Variants in TRAPPC8 observed in about 807,000 individuals in gnomAD.
TRAPPC8 encodes trafficking protein particle complex subunit 8.
A neutral mutation model predicts 174.3 loss-of-function variants in TRAPPC8; 54 were observed. The ratio of observed to expected loss-of-function variants is 0.31; its 90% CI spans 0.25 to 0.39. TRAPPC8 has a LOEUF of 0.39. TRAPPC8 is among the 10% of genes least tolerant of loss of function. TRAPPC8 has a pLI of 1.00. For missense variants in TRAPPC8, 1,531 were observed against 1,699.1 expected, an observed-to-expected ratio of 0.90 and a Z score of 1.74; for synonymous variants, 630 against 579.9, an observed-to-expected ratio of 1.09 and a Z score of -1.24.
intron 14 of TRAPPC8, among the ~76,000 whole-genome samples, chr18:31,872,552 T>C (rs1488789902): frequency 1.1e-4 from 16 of 152,202 alleles, no homozygotes; most frequent in Non-Finnish European, 7.4e-5. Flanking sequence ...CCCGAGTAGC[T>C]GGGACTACAG....
At chr18:31,837,779 T>C (rs2032842590) in intron 27 of TRAPPC8, among the ~76,000 whole-genome samples, 1 of 152,076 alleles carries the variant, frequency 6.6e-6, no homozygotes, top group African/African-American at 2.4e-5. Context: ...GGTAAACTAA[T>C]TCTGGTATAT....
intron 26 of TRAPPC8, among the ~76,000 whole-genome samples, chr18:31,841,605 T>C (rs1421715865): frequency 6.6e-6 from 1 of 152,230 alleles, no homozygotes; most frequent in African/African-American, 2.4e-5. Flanking sequence ...TTTGAACTAC[T>C]GTGCTATACT....
chr18:31,898,039 G>T, intron 10 of TRAPPC8, 148 bp from the exon 11 acceptor site: 1 of 542,014 alleles, frequency 1.8e-6, no homozygotes, highest in Non-Finnish European at 3.0e-6. Context: ...TAAAATCCAA[G>T]GTTTGTCAAG....
chr18:31,868,438 C>T (rs2034687419), intron 16 of TRAPPC8, among the ~76,000 whole-genome samples: 1 of 152,072 alleles, frequency 6.6e-6, no homozygotes, highest in Admixed American at 6.6e-5. Flanking sequence ...CCTTTAAAAT[C>T]TCCCATATTG....
intron 2 of TRAPPC8, among the ~76,000 whole-genome samples, chr18:31,919,587 AATAAAATAAT>A (rs1308973708): frequency 2.2e-4 from 18 of 81,866 alleles, no homozygotes; most frequent in Admixed American, 1.2e-3. Context: ...TAAATAAATA[AATAAAATAAT>A]AATAATCCTA....
At chr18:31,837,016 C>T (rs1280338188) in intron 27 of TRAPPC8, among the ~76,000 whole-genome samples, 4 of 152,058 alleles carry the variant, frequency 2.6e-5, no homozygotes, top group African/African-American at 2.4e-5. Flanking sequence ...CCCGCCTTGG[C>T]CTCCCAAAGT....
intron 19 of TRAPPC8, among the ~76,000 whole-genome samples, chr18:31,861,651 T>C (rs942892202): frequency 9.2e-5 from 14 of 152,254 alleles, no homozygotes; most frequent in African/African-American, 2.2e-4. Flanking sequence ...TTGAAAATCA[T>C]AGGTGCTGGG....
At chr18:31,928,774 C>A (rs1431939462) in intron 2 of TRAPPC8, among the ~76,000 whole-genome samples, 1 of 152,168 alleles carries the variant, frequency 6.6e-6, no homozygotes, top group Admixed American at 6.6e-5. Flanking sequence ...ATCTCTGCAT[C>A]TCAATACAAA....
chr18:31,932,910 G>C (rs2037909642), intron 1 of TRAPPC8, among the ~76,000 whole-genome samples: 1 of 151,236 alleles, frequency 6.6e-6, no homozygotes, highest in African/African-American at 2.4e-5. Flanking sequence ...TGAATGCGGA[G>C]GCTGCAGTGA....
At chr18:31,870,814 T>C (rs1306169747) in intron 15 of TRAPPC8, 112 bp downstream of exon 15, 1 of 1,034,704 alleles carries the variant, frequency 9.7e-7, no homozygotes, top group South Asian at 2.2e-5. Flanking sequence ...TATGAGTTCC[T>C]AATTTATTTT....
chr18:31,903,978 G>T (rs1040718745), intron 9 of TRAPPC8, among the ~76,000 whole-genome samples: 1 of 152,232 alleles, frequency 6.6e-6, no homozygotes, highest in Non-Finnish European at 1.5e-5. Flanking sequence ...CCACATGCCT[G>T]TAACCCCAGC....
chr18:31,832,724 T>A (rs577845279), intron 27 of TRAPPC8: 2 of 152,236 alleles, frequency 1.3e-5, no homozygotes, highest in South Asian at 2.1e-4. Context: ...ATACCATAAT[T>A]AATAAATTAC....
intron 27 of TRAPPC8, 75 bp downstream of exon 27, chr18:31,839,237 C>T: frequency 6.9e-7 from 1 of 1,452,474 alleles, no homozygotes; most frequent in African/African-American, 1.4e-5. Context: ...GTTAATGTCA[C>T]TGCCAAAATA....
At chr18:31,942,456 G>GC (rs1372527096) in intron 1 of TRAPPC8, 152 bp downstream of exon 1, 2 of 1,034,844 alleles carry the variant, frequency 1.9e-6, no homozygotes, top group African/African-American at 1.7e-5. Context: ...TCCTCCAGCC[G>GC]CCCCCGGAGC....
intron 19 of TRAPPC8, among the ~76,000 whole-genome samples, chr18:31,859,171 G>A (rs2034196841): frequency 3.3e-5 from 5 of 152,072 alleles, no homozygotes; most frequent in Admixed American, 3.3e-4. Flanking sequence ...GGAAGATAAA[G>A]GTAACAATAT....
At chr18:31,848,775 A>T (rs1223978109) in intron 25 of TRAPPC8, among the ~76,000 whole-genome samples, 4 of 152,170 alleles carry the variant, frequency 2.6e-5, no homozygotes, top group African/African-American at 7.2e-5. Flanking sequence ...CAAGATCCTT[A>T]ATTTTACTGC....
At position 31,832,094 on chromosome 18, in the gene TRAPPC8, T is replaced by C; in HGVS notation, c.4063A>G (p.Lys1355Glu). ...DVDVIVDLRH[K>E]TTSPEALEIH... ...TAAACAAATCTTTACCTTGTTGTTT[T>C]ATGCCGAAGATCAACTATGACATCT... is the stretch of plus-strand genomic sequence containing the variant. The change falls in exon 28 of 29, where the codon AAA becomes GAA. Residue 1355 changes from lysine to glutamate, a missense_variant. Coordinates refer to ENST00000283351, the MANE Select transcript of TRAPPC8 (RefSeq NM_014939.5). 3 of 1,544,764 alleles carry C rather than the reference T, an allele frequency of 1.9e-6. No individual in the cohort carries two copies. Among genetic ancestry groups the C allele is most frequent in the Non-Finnish European group, 2.6e-6 (3 of 1,154,368 alleles).
chr18:31,851,522 TTTTTC>T (rs2033702337), intron 24 of TRAPPC8, among the ~76,000 whole-genome samples: 1 of 152,048 alleles, frequency 6.6e-6, no homozygotes, highest in African/African-American at 2.4e-5. Flanking sequence ...TCTTTTTTTT[TTTTTC>T]TTTTAAGAGA....
rs1368380256 is a variant in TRAPPC8 at position 31,866,891 on chromosome 18, T to G, written c.2548A>C (p.Met850Leu). The change falls in exon 18 of 29, where the codon ATG becomes CTG. Residue 850 changes from methionine (M) to leucine (L), a missense_variant. Physicochemically the swap from Met to Leu is conservative, Grantham distance 15. Transcript: ENST00000283351. ...VYNLGTIQGSMTVDGIGALPG... is the reference protein window; with the variant it reads ...VYNLGTIQGSLTVDGIGALPG... Reference sequence around the variant, plus strand: ...AGAGCACCAATGCCATCTACTGTCATAGAGCCCTGAATAGTGCCAAGATTA... The same window carrying G: ...AGAGCACCAATGCCATCTACTGTCAGAGAGCCCTGAATAGTGCCAAGATTA... The G allele has an allele frequency of 1.2e-6, 2 of 1,613,768 alleles. No individual in the cohort carries two copies. The highest frequency in any genetic ancestry group is 1.7e-6 in the Non-Finnish European group (2 of 1,179,778).
Sources: gnomAD v4.1 joint callset for allele counts (sites outside exome capture counted in the v4.1 genomes callset) on GRCh38, gnomAD v4.1.1 for gene constraint, MANE v1.5 for transcripts, NCBI Gene and HGNC (gene_info 2026-07-23, HGNC 2026-07-21) for gene names.